Variants in KCNMB2 observed in about 807,000 individuals in gnomAD.
KCNMB2 encodes potassium calcium-activated channel subfamily M regulatory beta subunit 2.
A neutral mutation model predicts 24.5 loss-of-function variants in KCNMB2; 9 were observed. The ratio of observed to expected loss-of-function variants is 0.37; its 90% CI spans 0.22 to 0.64. KCNMB2 has a LOEUF of 0.64. KCNMB2 is among the 30% of genes least tolerant of loss of function. KCNMB2 has a pLI of 0.63. For synonymous variants in KCNMB2, 109 were observed against 104.4 expected (o/e 1.04, Z -0.27); for missense variants, 226 against 284.3 (o/e 0.79, Z 1.47).
chr3:178,752,796 A>G (rs1723895583), intron 1 of KCNMB2, among the ~76,000 whole-genome samples: 1 of 152,202 alleles, frequency 6.6e-6, no homozygotes, highest in Non-Finnish European at 1.5e-5. Flanking sequence ...ATGACACGAT[A>G]TTGTCTAGCT....
At chr3:178,612,039 T>A (rs961431874) in intron 1 of KCNMB2, among the ~76,000 whole-genome samples, 3 of 152,220 alleles carry the variant, frequency 2.0e-5, no homozygotes, top group Non-Finnish European at 4.4e-5. Flanking sequence ...ATTGTTTCAT[T>A]TTCACGTATT....
chr3:178,569,255 A>G (rs1160554523), intron 1 of KCNMB2, among the ~76,000 whole-genome samples: 2 of 152,148 alleles, frequency 1.3e-5, no homozygotes, highest in African/African-American at 4.8e-5. Flanking sequence ...ACCTTAAAAG[A>G]GGACTTCAAG....
intron 2 of KCNMB2, among the ~76,000 whole-genome samples, chr3:178,816,468 T>C (rs1010287237): frequency 6.2e-4 from 94 of 152,062 alleles, no homozygotes; most frequent in African/African-American, 2.1e-3. Context: ...AGTTCATCTA[T>C]TTCATTTATT....
At chr3:178,688,039 G>A (rs1023621546) in intron 1 of KCNMB2, among the ~76,000 whole-genome samples, 1 of 152,276 alleles carries the variant, frequency 6.6e-6, no homozygotes, top group African/African-American at 2.4e-5. Flanking sequence ...TACAGGAGGA[G>A]GAAAGAGGTT....
intron 2 of KCNMB2, among the ~76,000 whole-genome samples, chr3:178,810,242 A>G (rs1183903517): frequency 6.6e-6 from 1 of 152,222 alleles, no homozygotes; most frequent in African/African-American, 2.4e-5. Context: ...ATTGTCTGAC[A>G]GCACTGCCTC....
At chr3:178,598,055 A>AAC (rs199989687) in intron 1 of KCNMB2, among the ~76,000 whole-genome samples, 11 of 151,214 alleles carry the variant, frequency 7.3e-5, no homozygotes, top group African/African-American at 2.5e-4. Context: ...AACAAAACAA[A>AAC]AAAAAAAACA....
At chr3:178,719,896 G>GC (rs745684363) in intron 1 of KCNMB2, among the ~76,000 whole-genome samples, 5 of 151,972 alleles carry the variant, frequency 3.3e-5, no homozygotes, top group African/African-American at 1.2e-4. Flanking sequence ...CCAGTACCTA[G>GC]CCCCCGGCAA....
At chr3:178,800,917 C>A (rs1180665241) in intron 1 of KCNMB2, among the ~76,000 whole-genome samples, 1 of 151,976 alleles carries the variant, frequency 6.6e-6, no homozygotes, top group East Asian at 1.9e-4. Flanking sequence ...TGAAATAAGC[C>A]AGGCACAGAA....
chr3:178,558,138 AAG>A (rs1716187424), intron 1 of KCNMB2, among the ~76,000 whole-genome samples: 1 of 152,064 alleles, frequency 6.6e-6, no homozygotes, highest in East Asian at 1.9e-4. Flanking sequence ...TGCATCTCTG[AAG>A]AGTTTCTTAT....
At chr3:178,807,295 C>T (rs1203172543) in intron 1 of KCNMB2, 48 bp from the exon 2 acceptor site, 2 of 732,530 alleles carry the variant, frequency 2.7e-6, no homozygotes, top group East Asian at 5.2e-5. Flanking sequence ...AGAGTCAATC[C>T]ACTGAGAGCT....
intron 4 of KCNMB2, among the ~76,000 whole-genome samples, chr3:178,831,625 A>G (rs1234633745): frequency 6.6e-6 from 1 of 152,218 alleles, no homozygotes; most frequent in East Asian, 1.9e-4. Flanking sequence ...GGAGGTCATC[A>G]TGCTAAGTAA....
At chr3:178,551,996 C>T (rs539402834) in intron 1 of KCNMB2, among the ~76,000 whole-genome samples, 3 of 152,210 alleles carry the variant, frequency 2.0e-5, no homozygotes, top group South Asian at 2.1e-4. Flanking sequence ...CCCAGAGCTC[C>T]GGAACCCAGA....
chr3:178,818,414 C>A (rs1375173868), intron 2 of KCNMB2, among the ~76,000 whole-genome samples: 4 of 152,136 alleles, frequency 2.6e-5, no homozygotes, highest in Non-Finnish European at 4.4e-5. Context: ...TTTTCCCTAA[C>A]ACTCTTCCAC....
chr3:178,741,316 C>T (rs1294658708), intron 1 of KCNMB2, among the ~76,000 whole-genome samples: 2 of 152,164 alleles, frequency 1.3e-5, no homozygotes, highest in African/African-American at 4.8e-5. Context: ...AAATGGAACA[C>T]CTGTGAAACA....
intron 1 of KCNMB2, among the ~76,000 whole-genome samples, chr3:178,796,363 C>T (rs1055662606): frequency 2.0e-5 from 3 of 152,052 alleles, no homozygotes; most frequent in Non-Finnish European, 2.9e-5. Flanking sequence ...CAGAAATCAG[C>T]GAAGAATCAT....
intron 1 of KCNMB2, among the ~76,000 whole-genome samples, chr3:178,740,502 C>T (rs912626129): frequency 6.6e-6 from 1 of 152,116 alleles, no homozygotes; most frequent in Admixed American, 6.6e-5. Context: ...TCAGTGCATC[C>T]ACTATAAATA....
chr3:178,726,279 T>A (rs942912237), intron 1 of KCNMB2, among the ~76,000 whole-genome samples: 1 of 151,952 alleles, frequency 6.6e-6, no homozygotes, highest in African/African-American at 2.4e-5. Context: ...AAACCTCATA[T>A]GACAATGCCC....
rs554828585 is a variant in KCNMB2 at position 178,816,682 on chromosome 3, A to G, written c.57-8906A>G. Among the ~76,000 whole-genome samples, 6 of 152,234 alleles carry G rather than the reference A, an allele frequency of 3.9e-5. No individual in the cohort carries two copies. The East Asian group carries it at 1.2e-3, about 29-fold the overall frequency. ...CACTAATTGTTCTAGAGTGTTTTTC[A>G]TATCATTTAATTCTGATTTTTAATT... is the stretch of plus-strand genomic sequence containing the variant. On this transcript the variant is annotated intron_variant, in intron 2 of 4. Transcript: ENST00000452583.
intron 1 of KCNMB2, among the ~76,000 whole-genome samples, chr3:178,643,719 C>T (rs1206773001): frequency 6.6e-6 from 1 of 152,214 alleles, no homozygotes; most frequent in Admixed American, 6.5e-5. Context: ...ATTTCAAACC[C>T]TCTAGCCTGA....
Sources: gnomAD v4.1 joint callset for allele counts (sites outside exome capture counted in the v4.1 genomes callset) on GRCh38, gnomAD v4.1.1 for gene constraint, MANE v1.5 for transcripts, NCBI Gene and HGNC (gene_info 2026-07-23, HGNC 2026-07-21) for gene names.